TSFM: variants seen among roughly 807,000 people sequenced by gnomAD.
TSFM encodes the protein elongation factor Ts, mitochondrial.
Under a neutral mutation model 33.4 loss-of-function variants are expected in TSFM, and 29 were observed. That is an observed-to-expected ratio of 0.87 (90% confidence interval 0.65 to 1.18). The LOEUF is 1.18. Ranked by LOEUF, TSFM falls within the 50% of genes most tolerant of loss-of-function variation. The probability of loss-of-function intolerance (pLI) is 0.00; values close to 1 mark genes in which losing one functional copy is unlikely to be tolerated. For missense variants in TSFM, 394 were observed against 395.6 expected (o/e 1.00, Z 0.04); for synonymous variants, 178 against 163.5 (o/e 1.09, Z -0.68).
intron 2 of TSFM, 30 bp downstream of exon 2, chr12:57,783,313 T>G: frequency 6.2e-7 from 1 of 1,612,592 alleles, no homozygotes; most frequent in Non-Finnish European, 8.5e-7. Flanking sequence ...CAGGGCGGAG[T>G]ACTAGAGCTC....
Position 57,797,205 on chromosome 12 carries a change from C to T in TSFM, c.*622C>T, listed in dbSNP as rs774888647. On this transcript the variant is annotated 3_prime_UTR_variant, in exon 6 of 6. Transcript: ENST00000652027. The stretch of plus-strand genomic sequence containing the variant: ...GTGGGTACTGAGGTTTCCTGGCCAG[C>T]TGTAAGGCAGATTTTGACATTCTTG... 2 of 985,274 alleles carry T rather than the reference C, an allele frequency of 2.0e-6. No individual in the cohort carries two copies. The highest frequency in any genetic ancestry group is 2.4e-6 in the Non-Finnish European group (2 of 829,954). 61.0% of individuals were successfully genotyped at this position (985,274 alleles called of 1,614,324 possible).
In TSFM at chr12:57,793,182, T is replaced by C. The variant is rs140588648; in HGVS notation, c.571+109T>C. 876 of 910,896 alleles carry C rather than the reference T, an allele frequency of 9.6e-4. 6 individuals carry two copies. In the African/African-American group the frequency reaches 0.013, roughly 14 times the overall value. The allele number at this position is 910,896 out of a possible 1,614,324, so 56.4% of individuals were successfully genotyped here. ...TCATGTGCCTACAAGGGTCAGATGA[T>C]ACGAACGTGAGAAGTGGTGTGTGTG... On this transcript the variant is annotated intron_variant, in intron 5 of 5. Coordinates refer to ENST00000652027, the MANE Select transcript of TSFM (RefSeq NM_005726.6).
chr12:57,783,669 C>T, intron 2 of TSFM: 1 of 575,546 alleles, frequency 1.7e-6, no homozygotes, highest in Non-Finnish European at 3.3e-6. Flanking sequence ...TGTTGGCTCA[C>T]TGCAACCTCC....
chr12:57,789,550 G>T (rs1171432437), intron 4 of TSFM, among the ~76,000 whole-genome samples: 1 of 151,618 alleles, frequency 6.6e-6, no homozygotes, highest in African/African-American at 2.4e-5. Context: ...GTTTTTAGTA[G>T]AAATGGGGTT....
Position 57,796,433 on chromosome 12 carries a change from G to A in TSFM, c.828G>A (p.Gly276=), listed in dbSNP as rs1419864821. The A allele has an allele frequency of 1.9e-6, 3 of 1,602,454 alleles. No homozygotes were observed. The highest frequency in any genetic ancestry group is 2.2e-5 in the South Asian group (2 of 89,388). ...TTGGCTCCCTGGACGATGAGCCTGG[G>A]GGAGAGGCAGAGACTAAGATGCTGT... ...LSVGSLDDEP[G]GEAETKMLSQ... The change falls in exon 6 of 6, where the codon GGG becomes GGA. Residue 276 remains glycine, a synonymous_variant. Coordinates refer to ENST00000652027, the MANE Select transcript of TSFM (RefSeq NM_005726.6).
intron 5 of TSFM, among the ~76,000 whole-genome samples, chr12:57,794,246 C>T (rs1955701278): frequency 6.6e-6 from 1 of 152,158 alleles, no homozygotes; most frequent in Non-Finnish European, 1.5e-5. Context: ...ATGCTTTGAG[C>T]TATTTTAAAA....
At chr12:57,783,052 C>A (rs575393835) in intron 1 of TSFM, 58 bp from the exon 2 acceptor site, 1 of 1,566,686 alleles carries the variant, frequency 6.4e-7, no homozygotes. Flanking sequence ...GCCCGTGTAC[C>A]CTTCACCCTC....
intron 5 of TSFM, among the ~76,000 whole-genome samples, chr12:57,793,820 CTCT>C (rs779654755): frequency 1.3e-5 from 2 of 152,152 alleles, no homozygotes; most frequent in Admixed American, 1.3e-4. Flanking sequence ...AGATTATTTC[CTCT>C]TCTTTATAAA....
At chr12:57,799,977 A>G (rs1223224097), downstream of TSFM, 1 of 1,601,780 alleles carries the variant, frequency 6.2e-7, no homozygotes, top group Non-Finnish European at 8.5e-7. Flanking sequence ...CTGTGTGGTT[A>G]CAGTTCTGAA....
intron 5 of TSFM, among the ~76,000 whole-genome samples, chr12:57,795,769 C>T (rs192984995): frequency 1.8e-4 from 27 of 152,226 alleles, no homozygotes; most frequent in Admixed American, 1.5e-3. Context: ...TGCACACCAC[C>T]ACGCCCAGCT....
downstream of TSFM, chr12:57,802,040 G>T: frequency 8.7e-7 from 1 of 1,144,640 alleles, no homozygotes; most frequent in Non-Finnish European, 1.2e-6. Context: ...AGTGGGATGG[G>T]AGTAGGGAAA....
At chr12:57,790,064 T>TC (rs1653017895) in intron 4 of TSFM, among the ~76,000 whole-genome samples, 4 of 129,842 alleles carry the variant, frequency 3.1e-5, no homozygotes, top group Admixed American at 7.3e-5. Flanking sequence ...TTCTTTCTTT[T>TC]TTTTTTTTTT....
intron 2 of TSFM, chr12:57,783,949 A>G: frequency 1.4e-6 from 1 of 702,812 alleles, no homozygotes. Flanking sequence ...AGAGTTGTGT[A>G]GTTTTTGCCT....
chr12:57,800,086 T>A, downstream of TSFM: 1 of 918,678 alleles, frequency 1.1e-6, no homozygotes, highest in Non-Finnish European at 1.6e-6. Flanking sequence ...CAGAATCATC[T>A]GGGAATAGAA....
At chr12:57,785,761 A>G (rs912096223) in intron 2 of TSFM, among the ~76,000 whole-genome samples, 1 of 152,236 alleles carries the variant, frequency 6.6e-6, no homozygotes, top group African/African-American at 2.4e-5. Context: ...TCTTTACACT[A>G]GCATTGCCAC....
downstream of TSFM, among the ~76,000 whole-genome samples, chr12:57,799,205 G>A (rs563920420): frequency 3.6e-4 from 55 of 152,316 alleles, 1 homozygote; most frequent in South Asian, 0.011. Context: ...TGCTGGTGCT[G>A]TGATGATTTG....
Position 57,790,066 on chromosome 12 carries a change from T to C in TSFM, c.483+2904T>C, listed in dbSNP as rs1324719249. Among the ~76,000 whole-genome samples the C allele has an allele frequency of 2.1e-3, 306 of 145,166 alleles. 2 individuals carry two copies. The highest frequency in any genetic ancestry group is 7.4e-3 in the African/African-American group (294 of 39,642). ...TGTGCTGATTTCTTTCTTTCTTTTT[T>C]TTTTTTTTTTTTTTTGAGACAGAGT... On this transcript the variant is annotated intron_variant, in intron 4 of 5. Coordinates refer to ENST00000652027, the MANE Select transcript of TSFM (RefSeq NM_005726.6).
intron 3 of TSFM, 32 bp from the exon 4 acceptor site, chr12:57,787,008 G>A: frequency 1.2e-6 from 2 of 1,607,230 alleles, no homozygotes; most frequent in Non-Finnish European, 1.7e-6. Context: ...TCATTAAACA[G>A]CTTATACAGC....
At chr12:57,790,732 G>A (rs535785660) in intron 4 of TSFM, among the ~76,000 whole-genome samples, 4 of 149,712 alleles carry the variant, frequency 2.7e-5, no homozygotes, top group South Asian at 2.1e-4. Flanking sequence ...TTTGTAGTCA[G>A]TATTTATTTT....
Sources: allele counts gnomAD v4.1 joint callset (sites outside exome capture counted in the v4.1 genomes callset), GRCh38; gene constraint gnomAD v4.1.1; transcripts MANE v1.5; gene names NCBI Gene and HGNC (gene_info 2026-07-23, HGNC 2026-07-21).